ATRNL1: variants seen among roughly 807,000 people sequenced by gnomAD.
ATRNL1 encodes attractin-like protein 1.
A neutral mutation model predicts 182.7 loss-of-function variants in ATRNL1; 95 were observed. The ratio of observed to expected loss-of-function variants is 0.52; its 90% confidence interval spans 0.44 to 0.62. The LOEUF is 0.62. Among genes scored for constraint, ATRNL1 ranks in the 20% least tolerant of loss-of-function variants. The pLI is 0.00. For synonymous variants in ATRNL1, 576 were observed against 568.3 expected (o/e 1.01, Z -0.19); for missense variants, 1,471 against 1,679.5 (o/e 0.88, Z 2.17).
chr10:115,548,691 A>G lies in ATRNL1; in HGVS notation c.3717-767A>G, dbSNP rs147367598. On this transcript the variant is annotated intron_variant, in intron 25 of 28. Transcript: ENST00000355044. ...CCTGCATTATCATAGTTTATTGCAT[A>G]TAGTACCTAATATATTAGACCACAT... Among the ~76,000 whole-genome samples, 392 of 152,324 alleles carry G rather than the reference A, an allele frequency of 2.6e-3. 1 individual carries two copies. The highest frequency in any genetic ancestry group is 8.8e-3 in the African/African-American group (366 of 41,574).
chr10:115,585,097 C>A (rs1337939629), intron 26 of ATRNL1, among the ~76,000 whole-genome samples: 1 of 128,874 alleles, frequency 7.8e-6, no homozygotes, highest in Non-Finnish European at 1.7e-5. Context: ...AGTTTGATTG[C>A]ACTGTGGTCT....
chr10:115,900,166 A>G (rs1425001006), intron 28 of ATRNL1, among the ~76,000 whole-genome samples: 2 of 152,372 alleles, frequency 1.3e-5, no homozygotes, highest in East Asian at 1.9e-4. Context: ...CAGAGTTTCC[A>G]ATAAATTGTG....
intron 20 of ATRNL1, among the ~76,000 whole-genome samples, chr10:115,410,205 C>G (rs1845063135): frequency 6.6e-6 from 1 of 151,958 alleles, no homozygotes; most frequent in Admixed American, 6.6e-5. Flanking sequence ...GTGTCCTTAT[C>G]TGGTTTTGGT....
At chr10:115,518,321 G>A (rs1399591471) in intron 24 of ATRNL1, among the ~76,000 whole-genome samples, 1 of 151,732 alleles carries the variant, frequency 6.6e-6, no homozygotes, top group Non-Finnish European at 1.5e-5. Flanking sequence ...TCCATTTTCA[G>A]TAGAAATTCT....
intron 20 of ATRNL1, among the ~76,000 whole-genome samples, chr10:115,405,996 T>C (rs1308477860): frequency 2.0e-5 from 3 of 151,994 alleles, no homozygotes; most frequent in Non-Finnish European, 2.9e-5. Context: ...TCTAGCTTCA[T>C]CCATGTCCCT....
chr10:115,859,330 C>T (rs1951257500), intron 28 of ATRNL1, among the ~76,000 whole-genome samples: 1 of 151,856 alleles, frequency 6.6e-6, no homozygotes, highest in Non-Finnish European at 1.5e-5. Flanking sequence ...AAGCAGGGAG[C>T]GAGAGATCCA....
At position 115,549,742 on chromosome 10, in the gene ATRNL1, T is replaced by G. The variant is rs1181560094; in HGVS notation, c.3795+206T>G. Reference sequence around the variant, plus strand: ...AAGTTAGTATTTGTAAAAGCATTGGTTTGTTGCAAACAGTTTCTAAAAATG... The same window carrying G: ...AAGTTAGTATTTGTAAAAGCATTGGGTTGTTGCAAACAGTTTCTAAAAATG... On this transcript the variant is annotated intron_variant, in intron 26 of 28. Transcript: ENST00000355044. Among the ~76,000 whole-genome samples, 4 of 151,994 alleles carry G rather than the reference T, an allele frequency of 2.6e-5. No homozygotes were observed. The East Asian group carries it at 7.7e-4, about 29-fold the overall frequency.
chr10:115,102,128 C>T (rs1367039812), intron 1 of ATRNL1, among the ~76,000 whole-genome samples: 1 of 152,062 alleles, frequency 6.6e-6, no homozygotes, highest in Non-Finnish European at 1.5e-5. Flanking sequence ...TTTGTATTTA[C>T]CTGTTTGTCC....
intron 5 of ATRNL1, among the ~76,000 whole-genome samples, chr10:115,138,652 G>A (rs2143797006): frequency 6.6e-6 from 1 of 152,330 alleles, no homozygotes; most frequent in South Asian, 2.1e-4. Flanking sequence ...GCTGTACAGA[G>A]CAGGGGGGCC....
chr10:115,367,424 A>G (rs1302554879), intron 19 of ATRNL1, among the ~76,000 whole-genome samples: 23 of 139,226 alleles, frequency 1.7e-4, no homozygotes, highest in African/African-American at 5.9e-4. Context: ...ATTCTTCTAA[A>G]TTTTTTTCAA....
rs2084927390 is a variant in ATRNL1 at position 115,093,469 on chromosome 10, C to T, written c.-282C>T. ...GGGCGCAGTCTGCGCCTCCCGCTCC[C>T]CGCCTCCGGCCGGGTCCGGGACGCC... On this transcript the variant is annotated 5_prime_UTR_variant, in exon 1 of 29. Transcript: ENST00000355044. The surrounding 1 kb of genome is among the most constrained non-coding windows in gnomAD (Gnocchi z 6.1). 5.1e-6 allele frequency: 3 copies of T among 587,142 alleles called. No individual in the cohort carries two copies. The highest frequency in any genetic ancestry group is 9.3e-6 in the Non-Finnish European group (3 of 322,844). 36.4% of individuals were successfully genotyped at this position (587,142 alleles called of 1,614,324 possible). A position where few individuals can be genotyped will look rare whatever the true frequency, so the allele number is the denominator to read the frequency against.
chr10:115,382,491 AG>A (rs1554951466), intron 19 of ATRNL1, among the ~76,000 whole-genome samples: 1 of 151,872 alleles, frequency 6.6e-6, no homozygotes, highest in Non-Finnish European at 1.5e-5. Flanking sequence ...GTTTATTGCT[AG>A]TGTATAGAAG....
In ATRNL1 at chr10:115,215,316, C is replaced by T. The variant is rs542160827; in HGVS notation, c.1349-381C>T. Among the ~76,000 whole-genome samples, 10 of 152,246 alleles carry T rather than the reference C, an allele frequency of 6.6e-5. No individual in the cohort carries two copies. The East Asian group carries it at 1.7e-3, about 26-fold the overall frequency. On this transcript the variant is annotated intron_variant, in intron 8 of 28. Transcript: ENST00000355044. ...ATTTTAGATTTCTAAGGGTAGGGAT[C>T]ATATCATTTTATCTTTATAATGTCA... is the stretch of plus-strand genomic sequence containing the variant.
intron 19 of ATRNL1, among the ~76,000 whole-genome samples, chr10:115,378,007 GC>G (rs1208714318): frequency 5.9e-5 from 9 of 152,088 alleles, no homozygotes; most frequent in Admixed American, 5.9e-4. Context: ...TGTAAGGGCT[GC>G]CACTGGATTT....
rs782100229 is a variant in ATRNL1, at chr10:115,701,727, CA to C, written c.3796-25519del. Among the ~76,000 whole-genome samples the C allele has an allele frequency of 1.1e-4, 16 of 152,030 alleles. No homozygotes were observed. The East Asian group carries it at 2.7e-3, about 26-fold the overall frequency. On this transcript the variant is annotated intron_variant, in intron 26 of 28. Transcript: ENST00000355044. ...AAATTGATAAATTTCTAGAAACACA[CA>C]ATTTCCCCAAGATTGTATCAGGAAG...
intron 21 of ATRNL1, among the ~76,000 whole-genome samples, chr10:115,458,514 C>T (rs782105287): frequency 2.6e-5 from 4 of 151,994 alleles, no homozygotes; most frequent in Admixed American, 1.3e-4. Context: ...TTACCATACA[C>T]AAGATACTTC....
chr10:115,475,723 A>T lies in ATRNL1; in HGVS notation c.3654+6394A>T, dbSNP rs141693670. ...TATTGCATTGTAATAATTGTTCTAA[A>T]TTGTAAATAGATGATCATCATTTTC... On this transcript the variant is annotated intron_variant, in intron 24 of 28. Coordinates refer to ENST00000355044, the MANE Select transcript of ATRNL1 (RefSeq NM_207303.4). Among the ~76,000 whole-genome samples the T allele has an allele frequency of 5.9e-5, 9 of 151,458 alleles. No individual in the cohort carries two copies. In the East Asian group the frequency reaches 1.8e-3, roughly 29 times the overall value.
chr10:115,879,029 TTATG>T (rs754506264), intron 28 of ATRNL1, among the ~76,000 whole-genome samples: 37 of 151,060 alleles, frequency 2.4e-4, no homozygotes, highest in Non-Finnish European at 4.4e-4. Context: ...TTAAAAAGGT[TTATG>T]TATGTGCATT....
intron 9 of ATRNL1, among the ~76,000 whole-genome samples, chr10:115,223,523 T>C (rs1849552352): frequency 6.6e-6 from 1 of 151,810 alleles, no homozygotes. Context: ...AGACAAAACA[T>C]AGTGAGATGT....
Sources: gnomAD v4.1 joint callset for allele counts (sites outside exome capture counted in the v4.1 genomes callset) on GRCh38, gnomAD v4.1.1 for gene constraint, Gnocchi (gnomAD v3.1) non-coding constraint, MANE v1.5 for transcripts, NCBI Gene and HGNC (gene_info 2026-07-23, HGNC 2026-07-21) for gene names.